DUSP7: variants seen among roughly 807,000 people sequenced by gnomAD.
DUSP7 encodes dual specificity protein phosphatase 7.
A neutral mutation model predicts 29.8 loss-of-function variants in DUSP7; 7 were observed. That is an observed-to-expected ratio of 0.24 (90% CI 0.13 to 0.44). The LOEUF (loss-of-function observed/expected upper bound fraction) is 0.44, where lower values mean the gene tolerates loss of function less well. DUSP7 is among the 20% of genes least tolerant of loss of function. DUSP7 has a pLI of 1.00. For synonymous variants in DUSP7, 287 were observed against 275.4 expected, an observed-to-expected ratio of 1.04 and a Z score of -0.42; for missense variants, 400 against 583.7, an observed-to-expected ratio of 0.69 and a Z score of 3.24.
Position 52,051,014 on chromosome 3 carries a change from A to G in DUSP7, c.1061T>C (p.Leu354Pro). The change falls in exon 3 of 3, where the codon CTC (leucine) becomes CCC (proline). Residue 354 changes from leucine to proline, a missense_variant. Physicochemically the swap from Leu to Pro is moderately conservative, Grantham distance 98. Transcript: ENST00000495880. The surrounding 1 kb of genome is among the most constrained non-coding windows in gnomAD (Gnocchi z 4.8). ...AYLMQKMNLSLNDAYDFVKRK... is the reference protein window; with the variant it reads ...AYLMQKMNLSPNDAYDFVKRK... ...CTTGACAAAGTCGTAGGCGTCGTTG[A>G]GTGACAGGTTCATCTTCTGCATCAG... 1 of 1,614,242 alleles carries G rather than the reference A, an allele frequency of 6.2e-7. No individual in the cohort carries two copies. Among genetic ancestry groups the G allele is most frequent in the Non-Finnish European group, 8.5e-7 (1 of 1,180,046 alleles).
chr3:52,056,499 GGCC>G lies in DUSP7; in HGVS notation c.-136_-134del, dbSNP rs1701902849. 3.5e-6 allele frequency: 1 copy of G among 282,618 alleles called. No individual in the cohort carries two copies. The highest frequency in any genetic ancestry group is 6.7e-5 in the Admixed American group (1 of 14,830). 17.5% of individuals were successfully genotyped at this position (282,618 alleles called of 1,614,324 possible). On this transcript the variant is annotated 5_prime_UTR_variant, in exon 1 of 3. Coordinates refer to ENST00000495880, the MANE Select transcript of DUSP7 (RefSeq NM_001947.4). The surrounding 1 kb of genome is among the most constrained non-coding windows in gnomAD (Gnocchi z 6.4). ...TGCGCGCCCGCCGCCCCGGCCTCCC[GGCC>G]TCCCGGCCTCCGTCCCGCCCGCCCG...
chr3:52,056,129 G>A lies in DUSP7; in HGVS notation c.238C>T (p.His80Tyr). 1 of 1,603,212 alleles carries A rather than the reference G, an allele frequency of 6.2e-7. No individual in the cohort carries two copies. The highest frequency in any genetic ancestry group is 8.5e-7 in the Non-Finnish European group (1 of 1,178,322). Residue 80 changes from histidine (H) to tyrosine (Y), a missense_variant, in exon 1 of 3, where the codon CAC (histidine) becomes TAC (tyrosine). Physicochemically the swap from His to Tyr is moderately conservative, Grantham distance 83 (BLOSUM62 2). Transcript: ENST00000495880. The surrounding 1 kb of genome is among the most constrained non-coding windows in gnomAD (Gnocchi z 6.4). ...ATGTGCGACGACTCGAAGAGCTCGT[G>A]CGGCCGGCAGTCGAGCAGCAGCAAG... is the stretch of plus-strand genomic sequence containing the variant. Reference protein sequence around the residue: ...ASLLLLDCRPHELFESSHIET... With the variant: ...ASLLLLDCRPYELFESSHIET...
chr3:52,051,352 C>A lies in DUSP7; in HGVS notation c.953-230G>T, dbSNP rs1324564280. Among the ~76,000 whole-genome samples the A allele has an allele frequency of 1.3e-5, 2 of 152,198 alleles. No homozygotes were observed. Among genetic ancestry groups the A allele is most frequent in the Admixed American group, 6.5e-5 (1 of 15,284 alleles). On this transcript the variant is annotated intron_variant, in intron 2 of 2. Transcript: ENST00000495880. The surrounding 1 kb of genome is among the most constrained non-coding windows in gnomAD (Gnocchi z 4.8). ...ACTTTAGCCCCAAGGCACTGGACAC[C>A]CGTGTCTGTTTCCTCATCTATAAAA...
Position 52,054,011 on chromosome 3 carries a change from T to C in DUSP7, c.881A>G (p.Lys294Arg). 6.2e-7 allele frequency: 1 copy of C among 1,614,152 alleles called. No homozygotes were observed. The highest frequency in any genetic ancestry group is 8.5e-7 in the Non-Finnish European group (1 of 1,180,024). The change falls in exon 2 of 3, where the codon AAG (lysine) becomes AGG (arginine). Residue 294 changes from lysine (K) to arginine (R), a missense_variant. Coordinates refer to ENST00000495880, the MANE Select transcript of DUSP7 (RefSeq NM_001947.4). The surrounding 1 kb of genome is among the most constrained non-coding windows in gnomAD (Gnocchi z 4.1). ...CCAGTGGTCAGAGATGGGGATCTGC[T>C]TGTAGGTGAACTCGCCGCCGTGCTC... Reference protein sequence around the residue: ...AFEHGGEFTYKQIPISDHWSQ... With the variant: ...AFEHGGEFTYRQIPISDHWSQ...
chr3:52,054,271 C>T lies in DUSP7; in HGVS notation c.621G>A (p.Leu207=). The change falls in exon 2 of 3, where the codon CTG becomes CTA. Residue 207 remains leucine (L), a synonymous_variant. Coordinates refer to ENST00000495880, the MANE Select transcript of DUSP7 (RefSeq NM_001947.4). The surrounding 1 kb of genome is among the most constrained non-coding windows in gnomAD (Gnocchi z 4.1). ...SSSPPTSVLG[L]GGLRISSDCS... The stretch of plus-strand genomic sequence containing the variant: ...AGTCAGAGCTGATGCGCAGGCCCCC[C>T]AGGCCCAGCACTGAGGTGGGTGGCG... 5.0e-6 allele frequency: 8 copies of T among 1,605,246 alleles called. No homozygotes were observed. Among genetic ancestry groups the T allele is most frequent in the Non-Finnish European group, 6.8e-6 (8 of 1,174,542 alleles).
chr3:52,053,661 C>T lies in DUSP7; in HGVS notation c.952+279G>A. On this transcript the variant is annotated intron_variant, in intron 2 of 2. Coordinates refer to ENST00000495880, the MANE Select transcript of DUSP7 (RefSeq NM_001947.4). This position sits in a 1 kb window ranked among gnomAD's most constrained non-coding sequence, Gnocchi z 4.6. ...GCTAAGCCCGAAACAACATCTAAGC[C>T]AGGAAAACACAAGCTGGACAGCAGA... 1 of 492,832 alleles carries T rather than the reference C, an allele frequency of 2.0e-6. No individual in the cohort carries two copies. Among genetic ancestry groups the T allele is most frequent in the Non-Finnish European group, 3.7e-6 (1 of 270,876 alleles). 30.5% of individuals were successfully genotyped at this position (492,832 alleles called of 1,614,324 possible).
chr3:52,051,165 G>A lies in DUSP7; in HGVS notation c.953-43C>T, dbSNP rs536503630. 6.4e-6 allele frequency: 10 copies of A among 1,564,874 alleles called. No individual in the cohort carries two copies. In the African/African-American group the frequency reaches 6.7e-5, roughly 11 times the overall value. On this transcript the variant is annotated intron_variant, in intron 2 of 2. Coordinates refer to ENST00000495880, the MANE Select transcript of DUSP7 (RefSeq NM_001947.4). The surrounding 1 kb of genome is among the most constrained non-coding windows in gnomAD (Gnocchi z 4.8). ...GGGTCAGGGAGGTGCCTCCTTCAAGGAGCCTTCCCACATGGGTGGGCAGGT... is the reference window on the plus strand; with the variant it reads ...GGGTCAGGGAGGTGCCTCCTTCAAGAAGCCTTCCCACATGGGTGGGCAGGT...
chr3:52,050,779 C>T lies in DUSP7; in HGVS notation c.*36G>A, dbSNP rs1289027400. The T allele has an allele frequency of 1.3e-6, 2 of 1,586,436 alleles. No homozygotes were observed. Among genetic ancestry groups the T allele is most frequent in the Non-Finnish European group, 1.7e-6 (2 of 1,162,956 alleles). On this transcript the variant is annotated 3_prime_UTR_variant, in exon 3 of 3. Transcript: ENST00000495880. This position sits in a 1 kb window ranked among gnomAD's most constrained non-coding sequence, Gnocchi z 5.0. ...CCACCTAGCCCTGTGGAGAGCCGAGCAGGGGCCTGGTGCCATGCCCCCCGT... is the reference window on the plus strand; with the variant it reads ...CCACCTAGCCCTGTGGAGAGCCGAGTAGGGGCCTGGTGCCATGCCCCCCGT...
At position 52,054,649 on chromosome 3, in the gene DUSP7, T is replaced by C. The variant is rs547264806; in HGVS notation, c.518-275A>G. 3.8e-4 allele frequency among the ~76,000 whole-genome samples: 58 copies of C among 152,344 alleles called. No homozygotes were observed. Among genetic ancestry groups the C allele is most frequent in the Middle Eastern group, 3.4e-3 (1 of 292 alleles). On this transcript the variant is annotated intron_variant, in intron 1 of 2. Coordinates refer to ENST00000495880, the MANE Select transcript of DUSP7 (RefSeq NM_001947.4). The surrounding 1 kb of genome is among the most constrained non-coding windows in gnomAD (Gnocchi z 4.1). ...CATAACACTTCGGGGCCCCCAGCCATGGCACCAGCTTTAGGGCACTTGAGG... is the reference window on the plus strand; with the variant it reads ...CATAACACTTCGGGGCCCCCAGCCACGGCACCAGCTTTAGGGCACTTGAGG...
rs749973797 is a variant in DUSP7, at chr3:52,054,847, C to T, written c.518-473G>A. The stretch of plus-strand genomic sequence containing the variant: ...ACAGGTGCCAGAGCCACATCTGGCT[C>T]AGTTAGAGGCAGAGAGGTCCTGGGC... On this transcript the variant is annotated intron_variant, in intron 1 of 2. Coordinates refer to ENST00000495880, the MANE Select transcript of DUSP7 (RefSeq NM_001947.4). This position sits in a 1 kb window ranked among gnomAD's most constrained non-coding sequence, Gnocchi z 4.1. Among the ~76,000 whole-genome samples the T allele has an allele frequency of 5.9e-5, 9 of 152,242 alleles. No homozygotes were observed. The highest frequency in any genetic ancestry group is 1.0e-4 in the Non-Finnish European group (7 of 68,042).
Position 52,054,031 on chromosome 3 carries a change from G to C in DUSP7, c.861C>G (p.His287Gln), listed in dbSNP as rs751414622. 1 of 1,614,232 alleles carries C rather than the reference G, an allele frequency of 6.2e-7. No individual in the cohort carries two copies. Among genetic ancestry groups the C allele is most frequent in the East Asian group, 2.2e-5 (1 of 44,884 alleles). The change falls in exon 2 of 3, where the codon CAC becomes CAG. Residue 287 changes from histidine (H) to glutamine (Q), a missense_variant. Physicochemically the swap from His to Gln is conservative, Grantham distance 24. Coordinates refer to ENST00000495880, the MANE Select transcript of DUSP7 (RefSeq NM_001947.4). This position sits in a 1 kb window ranked among gnomAD's most constrained non-coding sequence, Gnocchi z 4.1. ...VTPNLPNAFE[H>Q]GGEFTYKQIP... ...TCTGCTTGTAGGTGAACTCGCCGCCGTGCTCGAAGGCGTTGGGTAGGTTGG... is the reference window on the plus strand; with the variant it reads ...TCTGCTTGTAGGTGAACTCGCCGCCCTGCTCGAAGGCGTTGGGTAGGTTGG...
rs1701842190 is a variant in DUSP7 at position 52,051,106 on chromosome 3, C to G, written c.969G>C (p.Lys323Asn). ...GGCAGTGCACCAGGACACCACACTTCTTGGAGCGGGCTTCGTCTGAAACAC... is the reference window on the plus strand; with the variant it reads ...GGCAGTGCACCAGGACACCACACTTGTTGGAGCGGGCTTCGTCTGAAACAC... ...AISFIDEARS[K>N]KCGVLVHCLA... The change falls in exon 3 of 3, where the codon AAG (lysine) becomes AAC (asparagine). Residue 323 changes from lysine to asparagine, a missense_variant. Transcript: ENST00000495880. This position sits in a 1 kb window ranked among gnomAD's most constrained non-coding sequence, Gnocchi z 4.8. 4 of 1,609,276 alleles carry G rather than the reference C, an allele frequency of 2.5e-6. No homozygotes were observed.
rs1264525213 is a variant in DUSP7 at position 52,056,532 on chromosome 3, G to A, written c.-166C>T. Reference sequence around the variant, plus strand: ...GGCCTCCGTCCCGCCCGCCCGCCCGGCCCTCCGCGCGCACCGCGGCCTGAC... The same window carrying A: ...GGCCTCCGTCCCGCCCGCCCGCCCGACCCTCCGCGCGCACCGCGGCCTGAC... On this transcript the variant is annotated 5_prime_UTR_variant, in exon 1 of 3. Coordinates refer to ENST00000495880, the MANE Select transcript of DUSP7 (RefSeq NM_001947.4). The surrounding 1 kb of genome is among the most constrained non-coding windows in gnomAD (Gnocchi z 6.4). 5.2e-4 allele frequency: 96 copies of A among 185,822 alleles called. No homozygotes were observed. Among genetic ancestry groups the A allele is most frequent in the Non-Finnish European group, 8.0e-4 (82 of 102,056 alleles). 11.5% of individuals were successfully genotyped at this position (185,822 alleles called of 1,614,324 possible). A position where few individuals can be genotyped will look rare whatever the true frequency, so the allele number is the denominator to read the frequency against.
Position 52,053,908 on chromosome 3 carries a change from C to T in DUSP7, c.952+32G>A, listed in dbSNP as rs1559797571. The T allele has an allele frequency of 3.1e-6, 5 of 1,613,450 alleles. No homozygotes were observed. Among genetic ancestry groups the T allele is most frequent in the Non-Finnish European group, 4.2e-6 (5 of 1,179,508 alleles). On this transcript the variant is annotated intron_variant, in intron 2 of 2. Coordinates refer to ENST00000495880, the MANE Select transcript of DUSP7 (RefSeq NM_001947.4). The surrounding 1 kb of genome is among the most constrained non-coding windows in gnomAD (Gnocchi z 4.6). ...GAGTCCTGCATACACCTTGATGCAC[C>T]CACACCCCCCTGCCCAGCACACAGC...
rs765295859 is a variant in DUSP7, at chr3:52,054,296, G to A, written c.596C>T (p.Ser199Leu). ...CAGGCCCAGCACTGAGGTGGGTGGC[G>A]AGCTGCTCGGCGAGGAAGAGCTGTC... ...NVDSSSSPSS[S>L]PPTSVLGLGG... is the part of the protein sequence containing the mutation. The change falls in exon 2 of 3, where the codon TCG (serine) becomes TTG (leucine). Residue 199 changes from serine to leucine, a missense_variant. By Grantham distance (145) the Ser-to-Leu change is moderately radical (BLOSUM62 -2). Coordinates refer to ENST00000495880, the MANE Select transcript of DUSP7 (RefSeq NM_001947.4). This position sits in a 1 kb window ranked among gnomAD's most constrained non-coding sequence, Gnocchi z 4.1. 40 of 1,592,312 alleles carry A rather than the reference G, an allele frequency of 2.5e-5. No homozygotes were observed. Among genetic ancestry groups the A allele is most frequent in the Non-Finnish European group, 3.3e-5 (38 of 1,167,938 alleles).
rs368164116 is a variant in DUSP7, at chr3:52,050,819, G to A, written c.1256C>T (p.Thr419Met). The change falls in exon 3 of 3, where the codon ACG becomes ATG. Residue 419 changes from threonine (T) to methionine (M), a missense_variant. By Grantham distance (81) the Thr-to-Met change is moderately conservative. Transcript: ENST00000495880. This position sits in a 1 kb window ranked among gnomAD's most constrained non-coding sequence, Gnocchi z 5.0. ...ATGCCCCCCGTGCACCAGGCCTCAC[G>A]TGGACTCCAGCGTATTGAGTGGGAA... Reference protein sequence around the residue: ...NLFPLNTLEST With the variant: ...NLFPLNTLESM 1.2e-5 allele frequency: 20 copies of A among 1,608,022 alleles called. No individual in the cohort carries two copies. In the African/African-American group the frequency reaches 1.5e-4, roughly 12 times the overall value.
At position 52,053,766 on chromosome 3, in the gene DUSP7, G is replaced by A; in HGVS notation, c.952+174C>T. On this transcript the variant is annotated intron_variant, in intron 2 of 2. Transcript: ENST00000495880. This position sits in a 1 kb window ranked among gnomAD's most constrained non-coding sequence, Gnocchi z 4.6. ...GGCCCCAACAGGTAGAGGGGCCCAA[G>A]GGACTCGGTGACTCACAGTAGGCCT... 1.5e-6 allele frequency: 1 copy of A among 686,294 alleles called. No homozygotes were observed. Among genetic ancestry groups the A allele is most frequent in the South Asian group, 1.8e-5 (1 of 54,534 alleles). 42.5% of individuals were successfully genotyped at this position (686,294 alleles called of 1,614,324 possible). A position where few individuals can be genotyped will look rare whatever the true frequency, so the allele number is the denominator to read the frequency against.
chr3:52,050,791 G>A lies in DUSP7; in HGVS notation c.*24C>T, dbSNP rs1361748107. ...GTGGAGAGCCGAGCAGGGGCCTGGT[G>A]CCATGCCCCCCGTGCACCAGGCCTC... is the stretch of plus-strand genomic sequence containing the variant. On this transcript the variant is annotated 3_prime_UTR_variant, in exon 3 of 3. Coordinates refer to ENST00000495880, the MANE Select transcript of DUSP7 (RefSeq NM_001947.4). This position sits in a 1 kb window ranked among gnomAD's most constrained non-coding sequence, Gnocchi z 5.0. The A allele has an allele frequency of 6.3e-7, 1 of 1,597,902 alleles. No individual in the cohort carries two copies. Among genetic ancestry groups the A allele is most frequent in the Non-Finnish European group, 8.6e-7 (1 of 1,168,798 alleles).
rs3821841 is a variant in DUSP7 at position 52,050,024 on chromosome 3, C to T, written c.*791G>A. On this transcript the variant is annotated 3_prime_UTR_variant, in exon 3 of 3. Transcript: ENST00000495880. This position sits in a 1 kb window ranked among gnomAD's most constrained non-coding sequence, Gnocchi z 5.0. ...GAAAATGCAAAGACCACCATCCAGC[C>T]CACCAATCACAACTTGCAGCAGTCA... The T allele has an allele frequency of 0.092, 14,069 of 152,238 alleles. 1,297 individuals are homozygous for T. The highest frequency in any genetic ancestry group is 0.35 in the East Asian group (1,820 of 5,156). The allele number at this position is 152,238 out of a possible 1,614,324, so 9.4% of individuals were successfully genotyped here.
Sources: gnomAD v4.1 joint callset for allele counts (sites outside exome capture counted in the v4.1 genomes callset) on GRCh38, gnomAD v4.1.1 for gene constraint, Gnocchi (gnomAD v3.1) non-coding constraint, MANE v1.5 for transcripts, NCBI Gene and HGNC (gene_info 2026-07-23, HGNC 2026-07-21) for gene names.